The following SDK1 variants were observed in gnomAD, a reference collection of about 807,000 sequenced individuals.
The protein encoded by SDK1 is sidekick cell adhesion molecule 1.
A neutral mutation model predicts 245.5 loss-of-function variants in SDK1; 157 were observed. The ratio of observed to expected loss-of-function variants is 0.64; its 90% CI spans 0.56 to 0.73. SDK1 has a LOEUF of 0.73. Ranked by LOEUF, SDK1 falls within the 30% of genes least tolerant of loss-of-function variation. The probability of loss-of-function intolerance (pLI) is 0.00; values close to 1 mark genes in which losing one functional copy is unlikely to be tolerated. For missense variants in SDK1, 3,583 were observed against 3,002.3 expected (o/e 1.19, Z -4.52); for synonymous variants, 1,647 against 1,278.5 (o/e 1.29, Z -6.15).
rs116419814 is a variant in SDK1 at position 4,207,674 on chromosome 7, C to T, written c.5215-425C>T. Among the ~76,000 whole-genome samples the T allele has an allele frequency of 7.2e-3, 1,098 of 152,014 alleles. 12 individuals carry two copies. Among genetic ancestry groups the T allele is most frequent in the African/African-American group, 0.025 (1,049 of 41,434 alleles). ...CATAGCTCGGAGCAGGGGGTGGACA[C>T]GGGGCGGCTTCCCTTCTCTCCAGAA... On this transcript the variant is annotated intron_variant, in intron 36 of 44. Transcript: ENST00000404826.
At chr7:3,823,898 C>T (rs561535489) in intron 5 of SDK1, among the ~76,000 whole-genome samples, 5 of 150,988 alleles carry the variant, frequency 3.3e-5, no homozygotes, top group African/African-American at 7.3e-5. Flanking sequence ...TGGTGACATA[C>T]GGGATTTACG....
Position 3,384,624 on chromosome 7 carries a change from T to A in SDK1, c.298+82740T>A, listed in dbSNP as rs186884246. 3.3e-5 allele frequency among the ~76,000 whole-genome samples: 5 copies of A among 152,330 alleles called. No homozygotes were observed. The East Asian group carries it at 9.6e-4, about 29-fold the overall frequency. Reference sequence around the variant, plus strand: ...CGAAGGACTTCGCTGATTTGTGTTCTACACAACCGTCTTGAGATACGCTGT... The same window carrying A: ...CGAAGGACTTCGCTGATTTGTGTTCAACACAACCGTCTTGAGATACGCTGT... On this transcript the variant is annotated intron_variant, in intron 1 of 44. Coordinates refer to ENST00000404826, the MANE Select transcript of SDK1 (RefSeq NM_152744.4).
chr7:3,634,183 C>A (rs1782386152), intron 2 of SDK1, among the ~76,000 whole-genome samples: 1 of 152,122 alleles, frequency 6.6e-6, no homozygotes, highest in Non-Finnish European at 1.5e-5. Context: ...AGCCCCATCT[C>A]CACAAAAGCT....
intron 1 of SDK1, among the ~76,000 whole-genome samples, chr7:3,418,232 G>T (rs1779434713): frequency 6.6e-6 from 1 of 151,610 alleles, no homozygotes; most frequent in Non-Finnish European, 1.5e-5. Context: ...CAGGAGAATT[G>T]CTTGAGCCCG....
intron 1 of SDK1, among the ~76,000 whole-genome samples, chr7:3,324,881 C>T (rs1306304203): frequency 1.3e-5 from 2 of 152,092 alleles, no homozygotes; most frequent in Non-Finnish European, 2.9e-5. Context: ...AAAGAAAGTC[C>T]TCCCATGCTT....
intron 22 of SDK1, among the ~76,000 whole-genome samples, chr7:4,083,027 G>C (rs1781163289): frequency 6.6e-6 from 1 of 151,746 alleles, no homozygotes; most frequent in Non-Finnish European, 1.5e-5. Context: ...ATTCACGCAG[G>C]GTTCACACTA....
intron 13 of SDK1, among the ~76,000 whole-genome samples, chr7:3,980,225 T>G (rs2128136509): frequency 6.6e-6 from 1 of 152,342 alleles, no homozygotes; most frequent in Admixed American, 6.5e-5. Flanking sequence ...AATTGCTTTC[T>G]TTCGAGTCTT....
chr7:4,243,741 A>T (rs1234342807), intron 43 of SDK1, among the ~76,000 whole-genome samples: 2 of 152,150 alleles, frequency 1.3e-5, no homozygotes, highest in East Asian at 1.9e-4. Context: ...ACAACTCAAG[A>T]TGAGATTTGG....
intron 4 of SDK1, among the ~76,000 whole-genome samples, chr7:3,807,794 T>C (rs1562458392): frequency 1.3e-5 from 2 of 152,200 alleles, no homozygotes; most frequent in South Asian, 2.1e-4. Flanking sequence ...ATTGTTCATG[T>C]TCTTTGGCAA....
intron 1 of SDK1, among the ~76,000 whole-genome samples, chr7:3,497,291 T>C (rs1013918032): frequency 6.6e-6 from 1 of 152,238 alleles, no homozygotes; most frequent in Non-Finnish European, 1.5e-5. Context: ...AAATAAAATG[T>C]ACGCAAGGGG....
intron 13 of SDK1, among the ~76,000 whole-genome samples, chr7:3,977,345 A>T (rs1583701217): frequency 9.1e-6 from 1 of 109,420 alleles, no homozygotes; most frequent in Non-Finnish European, 2.1e-5. Flanking sequence ...CCAGAGAATC[A>T]CTGAGGGTCC....
chr7:3,457,610 C>T (rs978285954), intron 1 of SDK1, among the ~76,000 whole-genome samples: 4 of 152,198 alleles, frequency 2.6e-5, no homozygotes, highest in Non-Finnish European at 5.9e-5. Flanking sequence ...ATTAGCTCAT[C>T]TCTAAACTGT....
chr7:4,133,191 G>A (rs946674437), intron 28 of SDK1, among the ~76,000 whole-genome samples: 7 of 152,198 alleles, frequency 4.6e-5, no homozygotes, highest in African/African-American at 7.2e-5. Context: ...CGGGGAACGC[G>A]TTTACTTCTG....
At chr7:3,604,158 T>G (rs575802753) in intron 1 of SDK1, among the ~76,000 whole-genome samples, 2 of 152,302 alleles carry the variant, frequency 1.3e-5, no homozygotes, top group African/African-American at 4.8e-5. Context: ...TTTGGTTGTG[T>G]CTCTGCCAGG....
At chr7:4,162,022 T>A (rs1368212163) in intron 32 of SDK1, among the ~76,000 whole-genome samples, 166 bp downstream of exon 32, 2 of 152,086 alleles carry the variant, frequency 1.3e-5, no homozygotes, top group African/African-American at 4.8e-5. Context: ...GGGGAAATGG[T>A]GTCAATTATC....
At chr7:4,101,348 C>T (rs536806129) in intron 22 of SDK1, among the ~76,000 whole-genome samples, 9 of 152,224 alleles carry the variant, frequency 5.9e-5, no homozygotes, top group East Asian at 1.9e-4. Flanking sequence ...GGAGTTTCAC[C>T]GTGTTAGCCA....
chr7:3,694,583 G>GC (rs898516990), intron 4 of SDK1, among the ~76,000 whole-genome samples: 2 of 151,492 alleles, frequency 1.3e-5, no homozygotes, highest in African/African-American at 4.8e-5. Context: ...TTGGTGGGGG[G>GC]GGAAAAGCAT....
chr7:4,184,539 C>T (rs994657236), intron 35 of SDK1, among the ~76,000 whole-genome samples: 5 of 152,146 alleles, frequency 3.3e-5, no homozygotes, highest in Non-Finnish European at 5.9e-5. Flanking sequence ...GTGAGTGAGT[C>T]GGTTTGTCTG....
At chr7:4,031,808 C>T (rs558845559) in intron 17 of SDK1, among the ~76,000 whole-genome samples, 44 of 151,988 alleles carry the variant, frequency 2.9e-4, no homozygotes, top group African/African-American at 1.0e-3. Flanking sequence ...GGGTGGATCA[C>T]CTGAGGTCAA....
Sources: gnomAD v4.1 joint callset for allele counts (sites outside exome capture counted in the v4.1 genomes callset) on GRCh38, gnomAD v4.1.1 for gene constraint, MANE v1.5 for transcripts, NCBI Gene and HGNC (gene_info 2026-07-23, HGNC 2026-07-21) for gene names.